WDFY3: variants seen among roughly 807,000 people sequenced by gnomAD.
WDFY3 encodes WD repeat and FYVE domain-containing protein 3.
A neutral mutation model predicts 409.6 loss-of-function variants in WDFY3; 66 were observed. The ratio of observed to expected loss-of-function variants is 0.16; its 90% CI spans 0.13 to 0.20. The LOEUF (loss-of-function observed/expected upper bound fraction) is 0.20, where lower values mean the gene tolerates loss of function less well. Ranked by LOEUF, WDFY3 falls within the 10% of genes least tolerant of loss-of-function variation. The probability of loss-of-function intolerance (pLI) is 1.00; values close to 1 mark genes in which losing one functional copy is unlikely to be tolerated. For missense variants in WDFY3, 3,031 were observed against 4,298.1 expected, an observed-to-expected ratio of 0.71 and a Z score of 8.24; for synonymous variants, 1,521 against 1,537.1, an observed-to-expected ratio of 0.99 and a Z score of 0.25.
At chr4:84,810,403 A>C (rs1358972599) in intron 13 of WDFY3, 59 bp from the exon 14 acceptor site, 1 of 1,244,476 alleles carries the variant, frequency 8.0e-7, no homozygotes, top group South Asian at 1.6e-5. Flanking sequence ...AAAAAAAAAA[A>C]CCACTATGCA....
chr4:84,700,429 C>A (rs1421066415), intron 56 of WDFY3, among the ~76,000 whole-genome samples: 5 of 152,140 alleles, frequency 3.3e-5, no homozygotes, highest in Non-Finnish European at 7.4e-5. Flanking sequence ...GTCTTGAACA[C>A]CTGAGCTCAA....
chr4:84,863,784 T>C (rs547865206), intron 3 of WDFY3, among the ~76,000 whole-genome samples: 119 of 152,176 alleles, frequency 7.8e-4, no homozygotes, highest in Non-Finnish European at 1.5e-3. Context: ...CCCAACACCA[T>C]TTATTACAGA....
chr4:84,797,955 C>A, intron 18 of WDFY3, 41 bp downstream of exon 18: 1 of 1,494,904 alleles, frequency 6.7e-7, no homozygotes, highest in Non-Finnish European at 9.2e-7. Flanking sequence ...ACATGATTTT[C>A]ATTCATAAAA....
intron 46 of WDFY3, 130 bp from the exon 47 acceptor site, chr4:84,721,702 A>G (rs1734882665): frequency 1.9e-6 from 2 of 1,033,250 alleles, no homozygotes; most frequent in African/African-American, 3.2e-5. Flanking sequence ...GAGGTAGCAC[A>G]TTCAGTGGTT....
At chr4:84,815,816 T>C (rs946419668) in intron 13 of WDFY3, among the ~76,000 whole-genome samples, 3 of 152,126 alleles carry the variant, frequency 2.0e-5, no homozygotes, top group African/African-American at 7.2e-5. Flanking sequence ...GTAAAGCTAA[T>C]ATTTTAGCAC....
rs1296154054 is a variant in WDFY3, at chr4:84,821,357, C to T, written c.1318G>A (p.Val440Ile). The change falls in exon 11 of 68, where the codon GTA becomes ATA. Residue 440 changes from valine (V) to isoleucine (I), a missense_variant. By Grantham distance (29) the Val-to-Ile change is conservative. This residue lies in a region of WDFY3 where 1,322 missense variants were observed against 1,697.9 expected (regional missense o/e 0.78). Coordinates refer to ENST00000295888, the MANE Select transcript of WDFY3 (RefSeq NM_014991.6). The stretch of plus-strand genomic sequence containing the variant: ...AGCATCTCAAAGTATTTGTTTTGTA[C>T]TTCTGGGAGTTTAGAAATCTTCTCT... ...FAEKISKLPE[V>I]QNKYFEMLEF... 1.2e-5 allele frequency: 19 copies of T among 1,613,810 alleles called. No homozygotes were observed. The highest frequency in any genetic ancestry group is 1.6e-5 in the Non-Finnish European group (19 of 1,179,868).
intron 25 of WDFY3, 62 bp downstream of exon 25, chr4:84,782,901 A>C: frequency 2.0e-6 from 3 of 1,511,250 alleles, no homozygotes. Context: ...TAAGTGAGGA[A>C]AGTGAATGCA....
At chr4:84,714,429 G>A (rs548106694) in intron 50 of WDFY3, among the ~76,000 whole-genome samples, 4 of 152,078 alleles carry the variant, frequency 2.6e-5, no homozygotes, top group Admixed American at 1.3e-4. Context: ...TCACTTAAAA[G>A]GTAAATTTTA....
chr4:84,745,479 C>A (rs1224098550), intron 36 of WDFY3, among the ~76,000 whole-genome samples: 1 of 151,952 alleles, frequency 6.6e-6, no homozygotes, highest in Admixed American at 6.6e-5. Context: ...CAAGGTGGTC[C>A]TATTAAATGT....
intron 2 of WDFY3, among the ~76,000 whole-genome samples, chr4:84,898,458 T>C (rs112726524): frequency 5.3e-4 from 80 of 152,248 alleles, no homozygotes; most frequent in African/African-American, 1.9e-3. Flanking sequence ...TTACCTCTTT[T>C]AAAAAAGCAT....
chr4:84,882,171 C>T (rs1460456006), intron 3 of WDFY3, among the ~76,000 whole-genome samples: 2 of 152,152 alleles, frequency 1.3e-5, no homozygotes, highest in South Asian at 4.1e-4. Context: ...AAAACAAGCA[C>T]TGAGTATCCA....
intron 48 of WDFY3, among the ~76,000 whole-genome samples, chr4:84,718,122 T>G (rs1734266968): frequency 6.6e-6 from 1 of 150,600 alleles, no homozygotes; most frequent in South Asian, 2.1e-4. Context: ...CTATATTTTT[T>G]AAAAGGACCA....
rs536396484 is a variant in WDFY3 at position 84,939,808 on chromosome 4, A to G, written c.-225-7445T>C. Among the ~76,000 whole-genome samples the G allele has an allele frequency of 1.1e-3, 170 of 152,198 alleles. 2 individuals carry two copies. The highest frequency in any genetic ancestry group is 3.8e-3 in the African/African-American group (156 of 41,540). ...GCCCTACCCTATCCTAGAATCATCTATTTCTGTGAGGAGCTCTGGTTCCTT... is the reference window on the plus strand; with the variant it reads ...GCCCTACCCTATCCTAGAATCATCTGTTTCTGTGAGGAGCTCTGGTTCCTT... On this transcript the variant is annotated intron_variant, in intron 1 of 67. Coordinates refer to ENST00000295888, the MANE Select transcript of WDFY3 (RefSeq NM_014991.6).
chr4:84,715,302 G>T lies in WDFY3; in HGVS notation c.7957C>A (p.Gln2653Lys). Reference sequence around the variant, plus strand: ...AGTGTTCCGAATAAACAAGACCTTTGATAGACTTTGTTTCTGATTCCTTTC... The same window carrying T: ...AGTGTTCCGAATAAACAAGACCTTTTATAGACTTTGTTTCTGATTCCTTTC... ...FQKGIRNKVY[Q>K]RFLAVVPSLT... Residue 2653 changes from glutamine to lysine, a missense_variant, in exon 50 of 68, where the codon CAA becomes AAA. This residue lies in a region of WDFY3 where 45 missense variants were observed against 121.8 expected (regional missense o/e 0.37). Coordinates refer to ENST00000295888, the MANE Select transcript of WDFY3 (RefSeq NM_014991.6). 1 of 1,591,478 alleles carries T rather than the reference G, an allele frequency of 6.3e-7. No individual in the cohort carries two copies. The highest frequency in any genetic ancestry group is 8.6e-7 in the Non-Finnish European group (1 of 1,160,572).
At chr4:84,925,929 T>C (rs1050968213) in intron 2 of WDFY3, among the ~76,000 whole-genome samples, 1 of 151,962 alleles carries the variant, frequency 6.6e-6, no homozygotes, top group Non-Finnish European at 1.5e-5. Context: ...TATTATTCAT[T>C]AAACATTTTT....
intron 61 of WDFY3, among the ~76,000 whole-genome samples, chr4:84,688,739 G>A (rs921407226): frequency 6.6e-6 from 1 of 152,008 alleles, no homozygotes; most frequent in Non-Finnish European, 1.5e-5. Context: ...CATAAACTGC[G>A]AGAACCACAT....
At chr4:84,809,035 G>A (rs1752020241) in intron 14 of WDFY3, 1 of 152,192 alleles carries the variant, frequency 6.6e-6, no homozygotes, top group Admixed American at 6.5e-5. Flanking sequence ...GTCTATTGAT[G>A]AGGGCAGTTC....
At chr4:84,812,483 C>T (rs1304938534) in intron 13 of WDFY3, among the ~76,000 whole-genome samples, 1 of 152,108 alleles carries the variant, frequency 6.6e-6, no homozygotes, top group African/African-American at 2.4e-5. Flanking sequence ...TTCTGTGTCA[C>T]AGTTCCCTCT....
At chr4:84,723,109 A>G (rs2149095880) in intron 46 of WDFY3, among the ~76,000 whole-genome samples, 1 of 152,374 alleles carries the variant, frequency 6.6e-6, no homozygotes, top group Non-Finnish European at 1.5e-5. Flanking sequence ...TCTGTGAATT[A>G]TACCTTGGCT....
Sources: allele counts gnomAD v4.1 joint callset (sites outside exome capture counted in the v4.1 genomes callset), GRCh38; gene constraint gnomAD v4.1.1; regional missense constraint gnomAD v4.1.1; transcripts MANE v1.5; gene names NCBI Gene and HGNC (gene_info 2026-07-23, HGNC 2026-07-21).